The following MYH1 variants were observed in gnomAD, a reference collection of about 807,000 sequenced individuals.
MYH1 encodes myosin heavy chain 1.
MYH1 carries 214 observed loss-of-function variants against 225.6 expected under a neutral mutation model. The ratio of observed to expected loss-of-function variants is 0.95; its 90% CI spans 0.85 to 1.06. The LOEUF (loss-of-function observed/expected upper bound fraction) is 1.06, where lower values mean the gene tolerates loss of function less well. MYH1 is among the 50% of genes least tolerant of loss of function. The probability of loss-of-function intolerance (pLI) is 0.00; values close to 1 mark genes in which losing one functional copy is unlikely to be tolerated. For missense variants in MYH1, 2,098 were observed against 2,344.2 expected, an observed-to-expected ratio of 0.89 and a Z score of 2.17; for synonymous variants, 774 against 842.3, an observed-to-expected ratio of 0.92 and a Z score of 1.40.
At chr17:10,507,836 G>A (rs765284190) in intron 17 of MYH1, 50 bp downstream of exon 17, 29 of 1,494,852 alleles carry the variant, frequency 1.9e-5, no homozygotes, top group Non-Finnish European at 2.3e-5. Context: ...ACACCATAGA[G>A]TACATTTAAT....
At chr17:10,498,571 A>G in intron 30 of MYH1, 55 bp downstream of exon 30, 2 of 1,608,742 alleles carry the variant, frequency 1.2e-6, no homozygotes, top group Admixed American at 1.7e-5. Context: ...AGTTTTTCAT[A>G]TGTTTTGGGA....
At chr17:10,502,588 T>C in intron 24 of MYH1, 150 bp downstream of exon 24, 1 of 1,197,208 alleles carries the variant, frequency 8.4e-7, no homozygotes. Context: ...TGTGTGTACA[T>C]CTTAGACCTT....
At chr17:10,509,394 A>G in intron 15 of MYH1, 91 bp downstream of exon 15, 1 of 1,574,626 alleles carries the variant, frequency 6.4e-7, no homozygotes, top group South Asian at 1.1e-5. Context: ...ACAAGTAGAA[A>G]TATTTAGCCA....
chr17:10,503,188 G>A lies in MYH1; in HGVS notation c.2752C>T (p.Gln918Ter). ...ACCTCTTTGATTTTGGCTTCTAGCT[G>A]GATTTTGGTTTTGATTAGCTGGTCA... ...RCDQLIKTKIQLEAKIKEVTE... is the reference protein window; with the variant it reads ...RCDQLIKTKI The change falls in exon 23 of 40, where the codon CAG becomes TAG. Residue 918 changes from glutamine (Q) to a stop codon, truncating the protein, a stop_gained. Coordinates refer to ENST00000226207, the MANE Select transcript of MYH1 (RefSeq NM_005963.4). LOFTEE classifies it high-confidence loss of function. The A allele has an allele frequency of 6.2e-7, 1 of 1,614,012 alleles. No individual in the cohort carries two copies. Among genetic ancestry groups the A allele is most frequent in the Non-Finnish European group, 8.5e-7 (1 of 1,180,004 alleles).
In MYH1 at chr17:10,496,131, T is replaced by C; in HGVS notation, c.4988A>G (p.Asp1663Gly). The C allele has an allele frequency of 6.2e-7, 1 of 1,614,154 alleles. No individual in the cohort carries two copies. Among genetic ancestry groups the C allele is most frequent in the Non-Finnish European group, 8.5e-7 (1 of 1,180,030 alleles). Residue 1663 changes from aspartate (D) to glycine (G), a missense_variant, in exon 35 of 40, where the codon GAT (aspartate) becomes GGT (glycine). Asp to Gly is a moderately conservative substitution (Grantham distance 94). Coordinates refer to ENST00000226207, the MANE Select transcript of MYH1 (RefSeq NM_005963.4). Reference protein sequence around the residue: ...ILKDTQLHLDDALRSQEDLKE... With the variant: ...ILKDTQLHLDGALRSQEDLKE... ...CAGGTCCTCCTGGCTCCGGAGAGCA[T>C]CATCCAGGTGGAGCTGGGTATCCTG...
intron 30 of MYH1, among the ~76,000 whole-genome samples, chr17:10,498,278 G>C (rs2073016858): frequency 6.6e-6 from 1 of 152,222 alleles, no homozygotes; most frequent in Non-Finnish European, 1.5e-5. Flanking sequence ...CCCAGAGGGA[G>C]AGTCTGTACT....
At chr17:10,508,228 G>T in intron 16 of MYH1, 135 bp downstream of exon 16, 1 of 1,018,668 alleles carries the variant, frequency 9.8e-7, no homozygotes, top group Non-Finnish European at 1.4e-6. Context: ...TATGTTGACC[G>T]GGCTGGTCTT....
chr17:10,502,663 A>AT lies in MYH1; in HGVS notation c.3111+74dup, dbSNP rs1352329692. 6 of 1,606,696 alleles carry AT rather than the reference A, an allele frequency of 3.7e-6. No individual in the cohort carries two copies. In the East Asian group the frequency reaches 1.1e-4, roughly 30 times the overall value. On this transcript the variant is annotated intron_variant, in intron 24 of 39. Coordinates refer to ENST00000226207, the MANE Select transcript of MYH1 (RefSeq NM_005963.4). The stretch of plus-strand genomic sequence containing the variant: ...GCACTTGATAAGTACTCACTATATC[A>AT]TAACGACACAAACTTATGCTTACTT...
At position 10,504,452 on chromosome 17, in the gene MYH1, C is replaced by T. The variant is rs540471073; in HGVS notation, c.2691+358G>A. On this transcript the variant is annotated intron_variant, in intron 22 of 39. Transcript: ENST00000226207. The stretch of plus-strand genomic sequence containing the variant: ...TGATTTCAAGTTAATGTGTTTTCAT[C>T]AAAGTCTCCTTCCTCTTCACTGACA... 2.6e-5 allele frequency among the ~76,000 whole-genome samples: 4 copies of T among 152,330 alleles called. 1 individual carries two copies. In the South Asian group the frequency reaches 8.3e-4, roughly 32 times the overall value.
In MYH1 at chr17:10,516,471, C is replaced by T. The variant is rs760064167; in HGVS notation, c.172G>A (p.Gly58Arg). Residue 58 changes from glycine to arginine, a missense_variant, in exon 3 of 40, where the codon GGG becomes AGG. Transcript: ENST00000226207. ...VKATVQSREGGKVTAKTEAGA... is the reference protein window; with the variant it reads ...VKATVQSREGRKVTAKTEAGA... ...GCTTCGGTCTTAGCTGTCACCTTCC[C>T]CCCTTCCCTGCTCTGCACTGTTGCT... The T allele has an allele frequency of 1.2e-6, 2 of 1,614,210 alleles. No homozygotes were observed. Among genetic ancestry groups the T allele is most frequent in the East Asian group, 2.2e-5 (1 of 44,880 alleles).
chr17:10,495,047 C>A lies in MYH1; in HGVS notation c.5350G>T (p.Glu1784Ter), dbSNP rs748060601. 1 of 1,614,230 alleles carries A rather than the reference C, an allele frequency of 6.2e-7. No homozygotes were observed. ...TGTTCCAGGTTCTTCTTCATCCGCTCCAGATGGGCGCTGGTGTCCTGTTCC... is the reference window on the plus strand; with the variant it reads ...TGTTCCAGGTTCTTCTTCATCCGCTACAGATGGGCGCTGGTGTCCTGTTCC... ...KKEQDTSAHL[E>*]RMKKNLEQTV... The change falls in exon 37 of 40, where the codon GAG becomes TAG. Residue 1784 changes from glutamate (E) to a stop codon, truncating the protein, a stop_gained. Transcript: ENST00000226207. LOFTEE classifies it high-confidence loss of function.
In MYH1 at chr17:10,498,637, C is replaced by T. The variant is rs1394996993; in HGVS notation, c.4170G>A (p.Leu1390=). ...AGTCTGGAACATACTTGGCCTCCTCCAGCTCCTCTGTGCGCTGGATGGCAT... is the reference window on the plus strand; with the variant it reads ...AGTCTGGAACATACTTGGCCTCCTCTAGCTCCTCTGTGCGCTGGATGGCAT... ...ETDAIQRTEE[L]EEAKKKLAQR... Residue 1390 remains leucine (L), a synonymous_variant, in exon 30 of 40, where the codon CTG becomes CTA. Coordinates refer to ENST00000226207, the MANE Select transcript of MYH1 (RefSeq NM_005963.4). The T allele has an allele frequency of 1.2e-6, 2 of 1,614,008 alleles. No individual in the cohort carries two copies. Among genetic ancestry groups the T allele is most frequent in the African/African-American group, 1.3e-5 (1 of 75,046 alleles).
chr17:10,513,831 G>A lies in MYH1; in HGVS notation c.731C>T (p.Ser244Phe). Residue 244 changes from serine (S) to phenylalanine (F), a missense_variant, in exon 8 of 40, where the codon TCC (serine) becomes TTC (phenylalanine). By Grantham distance (155) the Ser-to-Phe change is radical. Transcript: ENST00000226207. ...GNAKTVRNDN[S>F]SRFGKFIRIH... ...AACCAAGAGACTTACAAAGCGAGAG[G>A]AGTTGTCATTCCTCACGGTCTTGGC... is the stretch of plus-strand genomic sequence containing the variant. The A allele has an allele frequency of 6.2e-7, 1 of 1,614,204 alleles. No homozygotes were observed. The highest frequency in any genetic ancestry group is 1.3e-5 in the African/African-American group (1 of 75,064).
Position 10,508,665 on chromosome 17 carries a change from C to A in MYH1, c.1595G>T (p.Gly532Val), listed in dbSNP as rs140181645. 24 of 1,613,812 alleles carry A rather than the reference C, an allele frequency of 1.5e-5. No individual in the cohort carries two copies. The highest frequency in any genetic ancestry group is 2.7e-5 in the African/African-American group (2 of 74,900). Residue 532 changes from glycine to valine, a missense_variant, in exon 16 of 40, where the codon GGC becomes GTC. By Grantham distance (109) the Gly-to-Val change is moderately radical. Coordinates refer to ENST00000226207, the MANE Select transcript of MYH1 (RefSeq NM_005963.4). ...CTCCTCTTCCAGGATGGAGAAGATG[C>A]CCATAGGCTGGAAGAATGAAAAGAA... is the stretch of plus-strand genomic sequence containing the variant. Reference protein sequence around the residue: ...ACIELIEKPMGIFSILEEECM... With the variant: ...ACIELIEKPMVIFSILEEECM...
At chr17:10,510,821 A>T (rs1043866220) in intron 14 of MYH1, among the ~76,000 whole-genome samples, 1 of 152,122 alleles carries the variant, frequency 6.6e-6, no homozygotes, top group Non-Finnish European at 1.5e-5. Flanking sequence ...TGTTGGGATG[A>T]TGAAAATGTT....
intron 39 of MYH1, among the ~76,000 whole-genome samples, chr17:10,492,926 T>A (rs576115877): frequency 4.6e-5 from 7 of 152,134 alleles, no homozygotes; most frequent in African/African-American, 1.7e-4. Flanking sequence ...AAGTATGCAA[T>A]CTATACCAAA....
Position 10,503,136 on chromosome 17 carries a change from T to A in MYH1, c.2804A>T (p.Glu935Val). Residue 935 changes from glutamate to valine, a missense_variant, in exon 23 of 40, where the codon GAG (glutamate) becomes GTG (valine). Transcript: ENST00000226207. Reference sequence around the variant, plus strand: ...CTTGGCTGTCAGCTCAGCATTGATCTCTTCCTCATCCTCAGCTCTCTCAGT... The same window carrying A: ...CTTGGCTGTCAGCTCAGCATTGATCACTTCCTCATCCTCAGCTCTCTCAGT... ...EVTERAEDEE[E>V]INAELTAKKR... 6.2e-7 allele frequency: 1 copy of A among 1,613,862 alleles called. No individual in the cohort carries two copies. The highest frequency in any genetic ancestry group is 2.2e-5 in the East Asian group (1 of 44,882).
rs144369124 is a variant in MYH1 at position 10,492,521 on chromosome 17, G to A, written c.5715C>T (p.His1905=). 1.1e-3 allele frequency: 1,809 copies of A among 1,614,074 alleles called. 34 individuals are homozygous for A. In the Admixed American group the frequency reaches 0.028, roughly 25 times the overall value. ...VNLSKFRRIQ[H]ELEEAEERAD... ...CCCGTTCCTCGGCCTCCTCCAGCTC[G>A]TGCTGGATCCTGCGGAATTTGGAGA... Residue 1905 remains histidine, a synonymous_variant, in exon 40 of 40, where the codon CAC becomes CAT. Coordinates refer to ENST00000226207, the MANE Select transcript of MYH1 (RefSeq NM_005963.4).
At position 10,508,398 on chromosome 17, in the gene MYH1, G is replaced by C. The variant is rs538946965; in HGVS notation, c.1862C>G (p.Ala621Gly). 2.0e-5 allele frequency: 32 copies of C among 1,612,628 alleles called. No individual in the cohort carries two copies. The Middle Eastern group carries it at 1.2e-3, about 58-fold the overall frequency. ...LYQKSAMKTLALLFVGATGAE... is the reference protein window; with the variant it reads ...LYQKSAMKTLGLLFVGATGAE... ...TCCCGTTGCCCCAACAAAGAGGAGA[G>C]CCAGAGTCTTCATTGCAGACTTCTG... Residue 621 changes from alanine to glycine, a missense_variant, in exon 16 of 40, where the codon GCT becomes GGT. Physicochemically the swap from Ala to Gly is moderately conservative, Grantham distance 60. Coordinates refer to ENST00000226207, the MANE Select transcript of MYH1 (RefSeq NM_005963.4).
Sources: allele counts gnomAD v4.1 joint callset (sites outside exome capture counted in the v4.1 genomes callset), GRCh38; gene constraint gnomAD v4.1.1; transcripts MANE v1.5; gene names NCBI Gene and HGNC (gene_info 2026-07-23, HGNC 2026-07-21).